LRBA: variants seen among roughly 807,000 people sequenced by gnomAD.
The protein encoded by LRBA is lipopolysaccharide-responsive and beige-like anchor protein.
LRBA carries 176 observed loss-of-function variants against 330.0 expected under a neutral mutation model. The ratio of observed to expected loss-of-function variants is 0.53; its 90% CI spans 0.47 to 0.60. The LOEUF is 0.60. Ranked by LOEUF, LRBA falls within the 20% of genes least tolerant of loss-of-function variation. The probability of loss-of-function intolerance (pLI) is 0.00; values close to 1 mark genes in which losing one functional copy is unlikely to be tolerated. For missense variants in LRBA, 3,259 were observed against 3,444.8 expected (o/e 0.95, Z 1.35); for synonymous variants, 1,230 against 1,193.0 (o/e 1.03, Z -0.64).
intron 44 of LRBA, among the ~76,000 whole-genome samples, chr4:150,444,422 T>C (rs1561186703): frequency 6.6e-6 from 1 of 152,118 alleles, no homozygotes; most frequent in Non-Finnish European, 1.5e-5. Context: ...TTGCCACTGT[T>C]AGGGGGTGCA....
intron 42 of LRBA, among the ~76,000 whole-genome samples, chr4:150,473,758 A>G (rs1390421766): frequency 3.3e-5 from 5 of 152,110 alleles, no homozygotes; most frequent in African/African-American, 1.2e-4. Flanking sequence ...TAGATGGTGT[A>G]TTGTGGGATT....
chr4:150,467,638 G>T, intron 44 of LRBA, 35 bp downstream of exon 44: 1 of 1,260,632 alleles, frequency 7.9e-7, no homozygotes, highest in African/African-American at 1.5e-5. Context: ...TTATATGCAA[G>T]ACAATTATAT....
At chr4:150,299,310 C>G (rs1729356207) in intron 53 of LRBA, among the ~76,000 whole-genome samples, 2 of 152,058 alleles carry the variant, frequency 1.3e-5, no homozygotes, top group Non-Finnish European at 2.9e-5. Context: ...CATTTTTCTT[C>G]TCATTGAAAA....
intron 47 of LRBA, among the ~76,000 whole-genome samples, chr4:150,414,042 T>A (rs1352997896): frequency 6.6e-6 from 1 of 152,218 alleles, no homozygotes; most frequent in Non-Finnish European, 1.5e-5. Flanking sequence ...AAGACTGTGA[T>A]AGAATAATAT....
chr4:150,350,057 A>T lies in LRBA; in HGVS notation c.7297T>A (p.Phe2433Ile), dbSNP rs777414812. The change falls in exon 48 of 57, where the codon TTC becomes ATC. Residue 2433 changes from phenylalanine to isoleucine, a missense_variant. Physicochemically the swap from Phe to Ile is conservative, Grantham distance 21 (BLOSUM62 0). Transcript: ENST00000651943. ...GPEAVRALNV[F>I]YYLTYEGAVN... ...GCTCCTTCATAGGTCAAGTAATAGA[A>T]CACATTGAGGGCTCGGACAGCTTCT... The T allele has an allele frequency of 3.1e-6, 5 of 1,613,750 alleles. No individual in the cohort carries two copies. In the South Asian group the frequency reaches 5.5e-5, roughly 18 times the overall value.
intron 37 of LRBA, among the ~76,000 whole-genome samples, chr4:150,625,188 G>A (rs1013695354): frequency 3.3e-5 from 5 of 152,046 alleles, no homozygotes; most frequent in South Asian, 2.1e-4. Flanking sequence ...GGAATGTGTC[G>A]AAATCTCCAG....
At chr4:150,755,070 C>CT (rs1487832186) in intron 35 of LRBA, among the ~76,000 whole-genome samples, 1 of 152,202 alleles carries the variant, frequency 6.6e-6, no homozygotes, top group East Asian at 1.9e-4. Flanking sequence ...CCCTCTCTCC[C>CT]TTTTCCCTCT....
chr4:150,574,897 G>T (rs144308376), intron 40 of LRBA, among the ~76,000 whole-genome samples: 1 of 151,966 alleles, frequency 6.6e-6, no homozygotes, highest in Non-Finnish European at 1.5e-5. Flanking sequence ...AAGTGAAAGG[G>T]TATGGATAGT....
At chr4:150,690,203 CAT>C (rs1172262464) in intron 36 of LRBA, among the ~76,000 whole-genome samples, 2 of 151,824 alleles carry the variant, frequency 1.3e-5, no homozygotes, top group Non-Finnish European at 2.9e-5. Flanking sequence ...TTCTAAAACA[CAT>C]ATAAAAACAG....
rs1421679434 is a variant in LRBA, at chr4:150,870,572, T to C, written c.2402A>G (p.His801Arg). The C allele has an allele frequency of 3.1e-6, 5 of 1,590,894 alleles. No individual in the cohort carries two copies. Among genetic ancestry groups the C allele is most frequent in the South Asian group, 1.1e-5 (1 of 90,646 alleles). The change falls in exon 20 of 57, where the codon CAT (histidine) becomes CGT (arginine). Residue 801 changes from histidine (H) to arginine (R), a missense_variant. His to Arg is a conservative substitution (Grantham distance 29). Transcript: ENST00000651943. ...AGAATCAGGATCTGGATGCTGTTTA[T>C]GTATCACCTGAGTACCAATCTGTTC... ...LIEQIGTQVI[H>R]KQHPDPDSSV... is the part of the protein sequence containing the mutation.
At chr4:150,532,461 G>A (rs1472333524) in intron 40 of LRBA, among the ~76,000 whole-genome samples, 2 of 151,078 alleles carry the variant, frequency 1.3e-5, no homozygotes, top group African/African-American at 2.4e-5. Context: ...ATTTTATTAG[G>A]GTATAATAAT....
chr4:150,963,736 T>C (rs889229067), intron 2 of LRBA, among the ~76,000 whole-genome samples: 1 of 147,964 alleles, frequency 6.8e-6, no homozygotes, highest in Admixed American at 6.6e-5. Context: ...GTCTAGGAAG[T>C]GAGGAGCATC....
At chr4:150,397,596 A>C (rs1365931777) in intron 47 of LRBA, among the ~76,000 whole-genome samples, 1 of 152,208 alleles carries the variant, frequency 6.6e-6, no homozygotes, top group Non-Finnish European at 1.5e-5. Context: ...TATTCTTAAA[A>C]TAGGTATGGT....
intron 41 of LRBA, among the ~76,000 whole-genome samples, chr4:150,489,944 T>A (rs755622513): frequency 3.9e-4 from 59 of 150,798 alleles, no homozygotes; most frequent in Non-Finnish European, 7.6e-4. Context: ...CAAGCATGCA[T>A]AAGAAATTTC....
chr4:150,968,272 G>A (rs918859737), intron 2 of LRBA, among the ~76,000 whole-genome samples: 20 of 152,000 alleles, frequency 1.3e-4, no homozygotes, highest in African/African-American at 4.6e-4. Context: ...CAAAGTGCTG[G>A]GATCACAGGC....
At chr4:150,286,701 G>C (rs928703116) in intron 53 of LRBA, among the ~76,000 whole-genome samples, 3 of 152,140 alleles carry the variant, frequency 2.0e-5, no homozygotes, top group Non-Finnish European at 4.4e-5. Flanking sequence ...GGTAGAGAAG[G>C]GGGGACAGAG....
At chr4:150,351,336 C>T (rs148231412) in intron 47 of LRBA, among the ~76,000 whole-genome samples, 37 of 151,998 alleles carry the variant, frequency 2.4e-4, no homozygotes, top group Non-Finnish European at 4.4e-4. Flanking sequence ...ATTAGTTTAA[C>T]GATAAATAAT....
intron 35 of LRBA, among the ~76,000 whole-genome samples, chr4:150,759,244 G>A (rs1029380638): frequency 6.6e-6 from 1 of 152,130 alleles, no homozygotes. Context: ...CCATAAGGGA[G>A]ACTGTCTTCC....
chr4:150,403,706 T>C (rs1051692507), intron 47 of LRBA, among the ~76,000 whole-genome samples: 1 of 152,046 alleles, frequency 6.6e-6, no homozygotes, highest in East Asian at 1.9e-4. Flanking sequence ...AAAGAAATTA[T>C]GAAATTAAGA....
Sources: gnomAD v4.1 joint callset for allele counts (sites outside exome capture counted in the v4.1 genomes callset) on GRCh38, gnomAD v4.1.1 for gene constraint, MANE v1.5 for transcripts, NCBI Gene and HGNC (gene_info 2026-07-23, HGNC 2026-07-21) for gene names.